Variants in FSHR observed in about 807,000 individuals in gnomAD.
The protein encoded by FSHR is follicle stimulating hormone receptor.
A neutral mutation model predicts 52.1 loss-of-function variants in FSHR; 46 were observed. The ratio of observed to expected loss-of-function variants is 0.88; its 90% CI spans 0.70 to 1.13. The LOEUF (loss-of-function observed/expected upper bound fraction) is 1.13. FSHR is among the 50% of genes most tolerant of loss of function. FSHR has a pLI of 0.00. For missense variants in FSHR, 964 were observed against 834.6 expected (o/e 1.16, Z -1.91); for synonymous variants, 399 against 309.6 (o/e 1.29, Z -3.03).
At chr2:49,029,412 G>A (rs1668024285) in intron 2 of FSHR, among the ~76,000 whole-genome samples, 1 of 152,184 alleles carries the variant, frequency 6.6e-6, no homozygotes, top group Admixed American at 6.5e-5. Context: ...CTGAGAGGGT[G>A]TTAAGGTTAA....
chr2:48,990,226 A>T (rs994398992), intron 5 of FSHR, among the ~76,000 whole-genome samples: 4 of 152,258 alleles, frequency 2.6e-5, no homozygotes, highest in African/African-American at 9.6e-5. Context: ...TCTAGAAAGA[A>T]GAGGAGAGGA....
At chr2:49,131,353 A>T (rs148575325) in intron 1 of FSHR, among the ~76,000 whole-genome samples, 1 of 152,312 alleles carries the variant, frequency 6.6e-6, no homozygotes, top group East Asian at 1.9e-4. Context: ...TGTTTAAGTA[A>T]GTCAGAAACA....
chr2:48,993,100 A>G (rs7599845), intron 4 of FSHR, among the ~76,000 whole-genome samples: 8 of 150,728 alleles, frequency 5.3e-5, no homozygotes, highest in Non-Finnish European at 8.9e-5. Context: ...CTTTTTCTCT[A>G]TTTGTGCTCT....
intron 9 of FSHR, among the ~76,000 whole-genome samples, chr2:48,964,856 C>G (rs1048994684): frequency 2.6e-5 from 4 of 152,116 alleles, no homozygotes; most frequent in African/African-American, 9.6e-5. Context: ...ATTCAATCCA[C>G]GAGTATACCC....
At chr2:49,129,620 G>C (rs759949367) in intron 1 of FSHR, among the ~76,000 whole-genome samples, 9 of 152,142 alleles carry the variant, frequency 5.9e-5, no homozygotes, top group Non-Finnish European at 1.3e-4. Context: ...TGAAGATGTA[G>C]CATGGTGTCC....
intron 1 of FSHR, among the ~76,000 whole-genome samples, chr2:49,141,913 G>A (rs561392547): frequency 5.9e-5 from 9 of 152,282 alleles, no homozygotes; most frequent in African/African-American, 1.7e-4. Context: ...GAGAAGCTGA[G>A]TGACTTTGGG....
At position 49,100,622 on chromosome 2, in the gene FSHR, C is replaced by A. The variant is rs1169871886; in HGVS notation, c.153-32332G>T. 3.3e-5 allele frequency among the ~76,000 whole-genome samples: 5 copies of A among 152,192 alleles called. No individual in the cohort carries two copies. The East Asian group carries it at 5.8e-4, about 18-fold the overall frequency. ...ATCCTGTGGTCGTGAAGATGGAAGACAAATACTAAGTAAAAGTGGAGCAGA... is the reference window on the plus strand; with the variant it reads ...ATCCTGTGGTCGTGAAGATGGAAGAAAAATACTAAGTAAAAGTGGAGCAGA... On this transcript the variant is annotated intron_variant, in intron 1 of 9. Coordinates refer to ENST00000406846, the MANE Select transcript of FSHR (RefSeq NM_000145.4).
Position 48,989,026 on chromosome 2 carries a change from T to C in FSHR, c.475A>G (p.Thr159Ala), listed in dbSNP as rs759556847. Residue 159 changes from threonine to alanine, a missense_variant, in exon 6 of 10, where the codon ACA becomes GCA. Transcript: ENST00000406846. ...LDIQDNINIH[T>A]IERNSFVGLS... ...CCCACGAAAGAATTTCTTTCAATTGTGTGGATGTTTATGTTATCTTGAATG... is the reference window on the plus strand; with the variant it reads ...CCCACGAAAGAATTTCTTTCAATTGCGTGGATGTTTATGTTATCTTGAATG... 6 of 1,613,798 alleles carry C rather than the reference T, an allele frequency of 3.7e-6. No homozygotes were observed. The Admixed American group carries it at 6.7e-5, about 18-fold the overall frequency.
intron 1 of FSHR, among the ~76,000 whole-genome samples, chr2:49,109,597 C>T (rs1025311107): frequency 1.3e-5 from 2 of 152,016 alleles, no homozygotes; most frequent in Non-Finnish European, 1.5e-5. Flanking sequence ...CAGGGCATCT[C>T]CTGTTTTAGC....
Position 48,963,082 on chromosome 2 carries a change from G to T in FSHR, c.1739C>A (p.Thr580Asn). 1 of 1,614,108 alleles carries T rather than the reference G, an allele frequency of 6.2e-7. No individual in the cohort carries two copies. Among genetic ancestry groups the T allele is most frequent in the South Asian group, 1.1e-5 (1 of 91,072 alleles). ...IAKRMAMLIF[T>N]DFLCMAPISF... ...AATGGGTGCCATGCAGAGGAAGTCA[G>T]TGAAGATGAGCATGGCCATGCGCTT... The change falls in exon 10 of 10, where the codon ACT (threonine) becomes AAT (asparagine). Residue 580 changes from threonine (T) to asparagine (N), a missense_variant. Transcript: ENST00000406846.
chr2:49,123,272 G>A (rs556448743), intron 1 of FSHR, among the ~76,000 whole-genome samples: 37 of 152,100 alleles, frequency 2.4e-4, no homozygotes, highest in African/African-American at 7.7e-4. Flanking sequence ...AGGCTGAGGC[G>A]GGCAGATTGC....
At chr2:48,969,212 C>T (rs1433717945) in intron 8 of FSHR, among the ~76,000 whole-genome samples, 2 of 152,162 alleles carry the variant, frequency 1.3e-5, no homozygotes, top group African/African-American at 4.8e-5. Flanking sequence ...TCTATTTGTA[C>T]CTGCTAATTT....
At chr2:49,127,828 T>C (rs1558456630) in intron 1 of FSHR, among the ~76,000 whole-genome samples, 7 of 54,994 alleles carry the variant, frequency 1.3e-4, no homozygotes, top group African/African-American at 5.0e-4. Context: ...TTCTTCTTCT[T>C]CCTCTTCTTC....
rs373540281 is a variant in FSHR, at chr2:48,985,203, G to C, written c.525-2037C>G. ...ATCACAGGCTTACCTTAACCCTTTT[G>C]TGTCCTTGGGGATGAGGCCAGTGTG... On this transcript the variant is annotated intron_variant, in intron 6 of 9. Transcript: ENST00000406846. Among the ~76,000 whole-genome samples the C allele has an allele frequency of 3.3e-5, 5 of 152,326 alleles. No individual in the cohort carries two copies. In the South Asian group the frequency reaches 1.0e-3, roughly 32 times the overall value.
intron 1 of FSHR, among the ~76,000 whole-genome samples, chr2:49,123,153 C>T (rs1453057888): frequency 3.3e-5 from 5 of 152,132 alleles, no homozygotes; most frequent in African/African-American, 4.8e-5. Flanking sequence ...TCTATAAACT[C>T]TGTTTTAAAA....
chr2:49,133,281 A>T (rs1672361010), intron 1 of FSHR, among the ~76,000 whole-genome samples: 1 of 152,212 alleles, frequency 6.6e-6, no homozygotes, highest in Non-Finnish European at 1.5e-5. Context: ...TACCTTGACC[A>T]TGACCTGTTG....
At chr2:49,005,918 A>G (rs1573080760) in intron 4 of FSHR, among the ~76,000 whole-genome samples, 1 of 152,096 alleles carries the variant, frequency 6.6e-6, no homozygotes, top group South Asian at 2.1e-4. Flanking sequence ...AGGCAGACCC[A>G]CCCTTAATCT....
At chr2:49,005,933 G>C (rs1050821351) in intron 4 of FSHR, among the ~76,000 whole-genome samples, 2 of 152,108 alleles carry the variant, frequency 1.3e-5, no homozygotes, top group Admixed American at 1.3e-4. Flanking sequence ...TAATCTGAGT[G>C]GGTACCATCT....
intron 1 of FSHR, among the ~76,000 whole-genome samples, chr2:49,092,593 T>C (rs1307389220): frequency 6.6e-6 from 1 of 152,110 alleles, no homozygotes; most frequent in African/African-American, 2.4e-5. Context: ...TGATTTAATC[T>C]TTTTTCTTTA....
Sources: allele counts gnomAD v4.1 joint callset (sites outside exome capture counted in the v4.1 genomes callset), GRCh38; gene constraint gnomAD v4.1.1; transcripts MANE v1.5; gene names NCBI Gene and HGNC (gene_info 2026-07-23, HGNC 2026-07-21).